Variants in PARN observed in about 807,000 individuals in gnomAD.
The protein encoded by PARN is poly(A)-specific ribonuclease, also known as poly(A)-specific ribonuclease PARN.
A neutral mutation model predicts 102.8 loss-of-function variants in PARN; 71 were observed. The observed-to-expected ratio is 0.69, with a 90% confidence interval of 0.57 to 0.84. The LOEUF is 0.84. PARN is among the 40% of genes least tolerant of loss of function. The probability of loss-of-function intolerance (pLI) is 0.00; values close to 1 mark genes in which losing one functional copy is unlikely to be tolerated. For synonymous variants in PARN, 261 were observed against 252.9 expected, an observed-to-expected ratio of 1.03 and a Z score of -0.30; for missense variants, 782 against 760.9, an observed-to-expected ratio of 1.03 and a Z score of -0.33.
intron 21 of PARN, among the ~76,000 whole-genome samples, chr16:14,494,658 T>C (rs909435149): frequency 2.6e-5 from 4 of 152,206 alleles, no homozygotes; most frequent in African/African-American, 4.8e-5. Context: ...GCCGGAACGA[T>C]GCGCAGAGGA....
chr16:14,486,988 T>A (rs538069007), intron 21 of PARN, among the ~76,000 whole-genome samples: 7 of 152,322 alleles, frequency 4.6e-5, no homozygotes, highest in Admixed American at 2.6e-4. Flanking sequence ...TTCCCTCACA[T>A]AAGAGTCTCA....
At chr16:14,552,277 G>C (rs919852107) in intron 20 of PARN, among the ~76,000 whole-genome samples, 182 bp from the exon 21 acceptor site, 2 of 152,164 alleles carry the variant, frequency 1.3e-5, no homozygotes, top group Non-Finnish European at 2.9e-5. Flanking sequence ...TACCACAGCA[G>C]TTATTTACGT....
At chr16:14,485,778 C>T (rs1963643082) in intron 21 of PARN, among the ~76,000 whole-genome samples, 2 of 152,150 alleles carry the variant, frequency 1.3e-5, no homozygotes, top group African/African-American at 2.4e-5. Flanking sequence ...ACCTCCGCCT[C>T]CCGGGTTCAA....
chr16:14,445,311 A>G (rs1961147750), intron 23 of PARN, among the ~76,000 whole-genome samples: 1 of 152,296 alleles, frequency 6.6e-6, no homozygotes, highest in Non-Finnish European at 1.5e-5. Context: ...TGATTTCATT[A>G]ATATCCATGA....
At chr16:14,533,090 C>T (rs1414300684) in intron 21 of PARN, among the ~76,000 whole-genome samples, 1 of 152,054 alleles carries the variant, frequency 6.6e-6, no homozygotes. Context: ...GCCGAGATCA[C>T]GCCACTGCAC....
intron 22 of PARN, among the ~76,000 whole-genome samples, chr16:14,474,265 A>G (rs1375307415): frequency 6.6e-6 from 1 of 152,178 alleles, no homozygotes; most frequent in Non-Finnish European, 1.5e-5. Flanking sequence ...TTGACCTCCC[A>G]AAGTGCTGGG....
chr16:14,481,726 C>T (rs1963394743), intron 22 of PARN, among the ~76,000 whole-genome samples: 1 of 152,096 alleles, frequency 6.6e-6, no homozygotes, highest in Non-Finnish European at 1.5e-5. Flanking sequence ...GGGATTATGG[C>T]TAATTTTTTT....
intron 21 of PARN, among the ~76,000 whole-genome samples, chr16:14,534,733 C>T (rs910131895): frequency 6.6e-6 from 1 of 152,132 alleles, no homozygotes; most frequent in African/African-American, 2.4e-5. Context: ...AAACAAGTTT[C>T]TGTGAAGTTC....
In PARN at chr16:14,629,660, G is replaced by C; in HGVS notation, c.34C>G (p.Leu12Val). 6.2e-7 allele frequency: 1 copy of C among 1,612,862 alleles called. No individual in the cohort carries two copies. The highest frequency in any genetic ancestry group is 8.5e-7 in the Non-Finnish European group (1 of 1,178,774). Residue 12 changes from leucine to valine, a missense_variant, in exon 2 of 24, where the codon CTT becomes GTT. Coordinates refer to ENST00000437198, the MANE Select transcript of PARN (RefSeq NM_002582.4). ...TCTATGGCCTGGTACACTTTGTGAA[G>C]ATTACTCTTAAAATCTGCGGAGAAA... ...EIIRSNFKSN[L>V]HKVYQAIEEA...
chr16:14,629,551 G>A lies in PARN; in HGVS notation c.97+46C>T, dbSNP rs373714033. On this transcript the variant is annotated intron_variant, in intron 2 of 23. Transcript: ENST00000437198. ...GGGCTGGGGGATTGAAGGAGCCTTG[G>A]CTATGCACTGCAAAGTGCTAGCCTG... is the stretch of plus-strand genomic sequence containing the variant. The A allele has an allele frequency of 1.2e-4, 164 of 1,347,652 alleles. No homozygotes were observed. The South Asian group carries it at 1.4e-3, about 12-fold the overall frequency. 83.5% of individuals were successfully genotyped at this position (1,347,652 alleles called of 1,614,324 possible). A position where few individuals can be genotyped will look rare whatever the true frequency, so the allele number is the denominator to read the frequency against.
chr16:14,504,462 G>A (rs1964783515), intron 21 of PARN, among the ~76,000 whole-genome samples: 1 of 152,150 alleles, frequency 6.6e-6, no homozygotes, highest in Admixed American at 6.5e-5. Context: ...GGGAGGCTGA[G>A]GCAGGAAAAT....
intron 20 of PARN, among the ~76,000 whole-genome samples, chr16:14,552,457 T>C (rs1275805824): frequency 3.9e-5 from 6 of 152,156 alleles, no homozygotes; most frequent in Non-Finnish European, 7.4e-5. Flanking sequence ...AGAGACCACA[T>C]AGGTTCAAAA....
chr16:14,474,286 T>C (rs919710677), intron 22 of PARN, among the ~76,000 whole-genome samples: 2 of 152,240 alleles, frequency 1.3e-5, no homozygotes, highest in Non-Finnish European at 1.5e-5. Flanking sequence ...GTTACAGGCA[T>C]GCGCCACTGT....
At chr16:14,439,483 A>C (rs139594004) in intron 23 of PARN, among the ~76,000 whole-genome samples, 55 of 152,298 alleles carry the variant, frequency 3.6e-4, no homozygotes, top group African/African-American at 1.3e-3. Flanking sequence ...CTTTTGCTAC[A>C]GTGGACCTTA....
chr16:14,446,493 G>A (rs1371748017), intron 23 of PARN, among the ~76,000 whole-genome samples: 2 of 152,244 alleles, frequency 1.3e-5, no homozygotes, highest in East Asian at 3.9e-4. Flanking sequence ...AGAAATCCAG[G>A]TTGCCTGGGG....
At chr16:14,464,625 C>T (rs139298227) in intron 22 of PARN, among the ~76,000 whole-genome samples, 2,119 of 152,112 alleles carry the variant, frequency 0.014, 46 homozygotes, top group African/African-American at 0.046. Context: ...GGCGTGGTGG[C>T]GCACACCTGT....
chr16:14,449,106 G>T (rs1342713304), intron 22 of PARN, among the ~76,000 whole-genome samples: 3 of 152,144 alleles, frequency 2.0e-5, no homozygotes, highest in Non-Finnish European at 4.4e-5. Context: ...CCTTCGCATT[G>T]TAAATTCAGG....
At chr16:14,443,412 C>T (rs193063949) in intron 23 of PARN, among the ~76,000 whole-genome samples, 26 of 151,074 alleles carry the variant, frequency 1.7e-4, no homozygotes, top group African/African-American at 6.3e-4. Context: ...ATGATCTCAG[C>T]TCACTGCAAC....
At chr16:14,572,071 AG>A (rs1331901647) in intron 18 of PARN, among the ~76,000 whole-genome samples, 1 of 152,186 alleles carries the variant, frequency 6.6e-6, no homozygotes, top group African/African-American at 2.4e-5. Flanking sequence ...CCCATGGAGG[AG>A]GGAGGTGGAA....
Sources: allele counts gnomAD v4.1 joint callset (sites outside exome capture counted in the v4.1 genomes callset), GRCh38; gene constraint gnomAD v4.1.1; transcripts MANE v1.5; gene names NCBI Gene and HGNC (gene_info 2026-07-23, HGNC 2026-07-21).